Variants in C4orf50 observed in about 807,000 individuals in gnomAD.
C4orf50 encodes uncharacterized protein C4orf50.
A neutral mutation model predicts 77.2 loss-of-function variants in C4orf50; 80 were observed. That is an observed-to-expected ratio of 1.04 (90% CI 0.87 to 1.25). The LOEUF (loss-of-function observed/expected upper bound fraction) is 1.25. Among genes scored for constraint, C4orf50 ranks in the 50% most tolerant of loss-of-function variants. The pLI, the probability that C4orf50 is intolerant of heterozygous loss-of-function variation, is 0.00. For missense variants in C4orf50, 1,257 were observed against 1,152.9 expected (o/e 1.09, Z -1.31); for synonymous variants, 532 against 465.3 (o/e 1.14, Z -1.84).
chr4:5,945,269 C>T (rs1460469247), intron 7 of C4orf50, among the ~76,000 whole-genome samples: 1 of 152,206 alleles, frequency 6.6e-6, no homozygotes, highest in Non-Finnish European at 1.5e-5. Flanking sequence ...GGCATGACAT[C>T]TTAATCAATC....
chr4:5,966,553 C>T (rs1366969187), intron 32 of C4orf50, among the ~76,000 whole-genome samples: 6 of 151,770 alleles, frequency 4.0e-5, no homozygotes, highest in South Asian at 2.1e-4. Flanking sequence ...TGAGTAACCA[C>T]GGCAAATGTT....
rs1432444990 is a variant in C4orf50, at chr4:5,997,945, T to C, written c.964-3469A>G. ...TCCAGATCAAATCAATTCCCTCTTA[T>C]TGGACAGTTGGGTTGTTACGAATTT... On this transcript the variant is annotated intron_variant, in intron 25 of 33. Transcript: ENST00000531445. Among the ~76,000 whole-genome samples, 11 of 152,230 alleles carry C rather than the reference T, an allele frequency of 7.2e-5. No homozygotes were observed. The East Asian group carries it at 1.9e-3, about 27-fold the overall frequency.
In C4orf50 at chr4:5,900,581, A is replaced by C. The variant is rs1171133271; in HGVS notation, c.*2475-2393T>G. The stretch of plus-strand genomic sequence containing the variant: ...TGCCATATAGATTGCAACCCAGTAG[A>C]AAACTAATTGCATCAGACCAAGACC... On this transcript the variant is annotated intron_variant, in intron 7 of 7. Coordinates refer to the C4orf50 transcript ENST00000324058. The surrounding 1 kb of genome is among the most constrained non-coding windows in gnomAD (Gnocchi z 4.3). 1 of 152,224 alleles carries C rather than the reference A, an allele frequency of 6.6e-6. No individual in the cohort carries two copies. The highest frequency in any genetic ancestry group is 2.4e-5 in the African/African-American group (1 of 41,442). The allele number at this position is 152,224 out of a possible 1,614,324, so 9.4% of individuals were successfully genotyped here.
Position 5,970,171 on chromosome 4 carries a change from G to C in C4orf50, c.4105-2709C>G, listed in dbSNP as rs1171745916. On this transcript the variant is annotated intron_variant, in intron 31 of 33. Transcript: ENST00000531445. This position sits in a 1 kb window ranked among gnomAD's most constrained non-coding sequence, Gnocchi z 4.3. ...AGGAAAAAAAAAAAAAGGCCCACTG[G>C]GGCTAGGGGTCGGGGGGCATAGAGA... Among the ~76,000 whole-genome samples the C allele has an allele frequency of 3.3e-5, 5 of 151,804 alleles. No individual in the cohort carries two copies. Among genetic ancestry groups the C allele is most frequent in the Non-Finnish European group, 7.4e-5 (5 of 67,910 alleles).
Position 6,009,053 on chromosome 4 carries a change from C to G in C4orf50, c.427-521G>C, listed in dbSNP as rs977194499. ...ACAGCAGCTGTCATTACTGTGGATA[C>G]TCCACCTGGAGGGAGGTACGTTACT... On this transcript the variant is annotated intron_variant, in intron 24 of 33. Transcript: ENST00000531445. The surrounding 1 kb of genome is among the most constrained non-coding windows in gnomAD (Gnocchi z 5.6). Among the ~76,000 whole-genome samples the G allele has an allele frequency of 6.6e-6, 1 of 152,224 alleles. No individual in the cohort carries two copies. Among genetic ancestry groups the G allele is most frequent in the Admixed American group, 6.5e-5 (1 of 15,290 alleles).
At chr4:5,911,459 C>T (rs1716804369) in intron 7 of C4orf50, among the ~76,000 whole-genome samples, 1 of 152,124 alleles carries the variant, frequency 6.6e-6, no homozygotes, top group South Asian at 2.1e-4. Context: ...CTTCACATGT[C>T]ACTTACAACC....
At chr4:6,004,211 G>A (rs1441074370) in intron 25 of C4orf50, among the ~76,000 whole-genome samples, 833 of 65,878 alleles carry the variant, frequency 0.013, no homozygotes, top group East Asian at 0.12. Flanking sequence ...TGGTGATGAT[G>A]GTGATGGTGA....
chr4:5,998,024 A>G (rs939587150), intron 25 of C4orf50, among the ~76,000 whole-genome samples: 1 of 152,200 alleles, frequency 6.6e-6, no homozygotes, highest in African/African-American at 2.4e-5. Flanking sequence ...ACTCTTCTGC[A>G]CCTCCAATCA....
intron 25 of C4orf50, among the ~76,000 whole-genome samples, chr4:6,004,288 G>A (rs1224611128): frequency 5.9e-5 from 4 of 67,668 alleles, no homozygotes; most frequent in East Asian, 1.4e-3. Flanking sequence ...TGGTGATGTT[G>A]GTGATGATGG....
At chr4:6,014,174 G>C (rs1722598304) in intron 23 of C4orf50, among the ~76,000 whole-genome samples, 1 of 152,072 alleles carries the variant, frequency 6.6e-6, no homozygotes, top group Non-Finnish European at 1.5e-5. Flanking sequence ...GGCTAATTTT[G>C]TATTTTTAGT....
At chr4:5,949,292 G>A (rs1017376798) in intron 7 of C4orf50, among the ~76,000 whole-genome samples, 5 of 152,220 alleles carry the variant, frequency 3.3e-5, no homozygotes, top group African/African-American at 9.7e-5. Context: ...CACACCACCA[G>A]GGTTCACAGA....
intron 26 of C4orf50, 116 bp downstream of exon 4, chr4:5,994,231 G>A (rs535451468): frequency 5.0e-6 from 2 of 396,842 alleles, no homozygotes; most frequent in African/African-American, 4.1e-5. Context: ...TGTCTGTAGG[G>A]AGGGGGGACC....
intron 7 of C4orf50, among the ~76,000 whole-genome samples, chr4:5,946,517 T>A (rs1718489530): frequency 6.6e-6 from 1 of 152,232 alleles, no homozygotes; most frequent in Non-Finnish European, 1.5e-5. Flanking sequence ...TCTATGTCCT[T>A]GTACTTTAAC....
chr4:5,968,518 T>C (rs749621863), intron 31 of C4orf50, among the ~76,000 whole-genome samples: 1 of 152,186 alleles, frequency 6.6e-6, no homozygotes, highest in Non-Finnish European at 1.5e-5. Context: ...TGTCACCCTT[T>C]CGACACTGTT....
In C4orf50 at chr4:5,905,123, G is replaced by C. The variant is rs1266035440; in HGVS notation, c.*2475-6935C>G. 6.6e-6 allele frequency: 1 copy of C among 152,234 alleles called. No homozygotes were observed. The highest frequency in any genetic ancestry group is 1.5e-5 in the Non-Finnish European group (1 of 68,058). 9.4% of individuals were successfully genotyped at this position (152,234 alleles called of 1,614,324 possible). ...GACGAAGAAGAGGATGTTGGAAGAA[G>C]GTAAGTTATTTGTGCACGGCGACCC... On this transcript the variant is annotated intron_variant, in intron 7 of 7. Coordinates refer to the C4orf50 transcript ENST00000324058. The surrounding 1 kb of genome is among the most constrained non-coding windows in gnomAD (Gnocchi z 5.4).
intron 7 of C4orf50, among the ~76,000 whole-genome samples, chr4:5,949,034 C>T (rs1484881102): frequency 2.0e-5 from 3 of 151,528 alleles, no homozygotes; most frequent in Non-Finnish European, 4.4e-5. Flanking sequence ...TTAACACCAC[C>T]TTTAAAGGAG....
At chr4:5,983,376 A>G (rs1209882021) in intron 28 of C4orf50, among the ~76,000 whole-genome samples, 1 of 152,162 alleles carries the variant, frequency 6.6e-6, no homozygotes, top group East Asian at 1.9e-4. Flanking sequence ...TTCCTTGCCC[A>G]TTGGAATCCA....
intron 7 of C4orf50, among the ~76,000 whole-genome samples, chr4:5,922,408 G>A (rs1247783092): frequency 1.3e-5 from 2 of 152,210 alleles, no homozygotes; most frequent in East Asian, 3.9e-4. Flanking sequence ...CTACTGCACA[G>A]TAGTCAGCTT....
intron 25 of C4orf50, among the ~76,000 whole-genome samples, chr4:6,004,197 G>C (rs889109541): frequency 3.2e-4 from 11 of 34,496 alleles, no homozygotes; most frequent in East Asian, 4.1e-3. Flanking sequence ...GGTGATGATG[G>C]TGATGGTGAT....
Sources: allele counts gnomAD v4.1 joint callset (sites outside exome capture counted in the v4.1 genomes callset), GRCh38; gene constraint gnomAD v4.1.1; non-coding constraint Gnocchi (gnomAD v3.1); transcripts MANE v1.5; gene names NCBI Gene and HGNC (gene_info 2026-07-23, HGNC 2026-07-21).